Variants in ABL1 observed in about 807,000 individuals in gnomAD.
ABL1 encodes ABL proto-oncogene 1, non-receptor tyrosine kinase.
A neutral mutation model predicts 94.7 loss-of-function variants in ABL1; 11 were observed. That is an observed-to-expected ratio of 0.12 (90% confidence interval 0.07 to 0.19). The LOEUF (loss-of-function observed/expected upper bound fraction) is 0.19. Among genes scored for constraint, ABL1 ranks in the 10% least tolerant of loss-of-function variants. The probability of loss-of-function intolerance (pLI) is 1.00; values close to 1 mark genes in which losing one functional copy is unlikely to be tolerated. For missense variants in ABL1, 1,082 were observed against 1,489.4 expected, an observed-to-expected ratio of 0.73 and a Z score of 4.50; for synonymous variants, 656 against 622.4, an observed-to-expected ratio of 1.05 and a Z score of -0.80.
intron 1 of ABL1, among the ~76,000 whole-genome samples, chr9:130,787,382 C>T (rs1355216586): frequency 2.0e-5 from 3 of 152,000 alleles, no homozygotes; most frequent in East Asian, 1.9e-4. Context: ...TGTGAGCTCC[C>T]GTGTGAGAGA....
At chr9:130,760,818 A>G (rs1346697549) in intron 1 of ABL1, among the ~76,000 whole-genome samples, 1 of 151,032 alleles carries the variant, frequency 6.6e-6, no homozygotes, top group Non-Finnish European at 1.5e-5. Context: ...ACGGGCCACA[A>G]CACCCAGCTA....
At chr9:130,717,260 C>G (rs1161093609) in intron 1 of ABL1, among the ~76,000 whole-genome samples, 2 of 152,146 alleles carry the variant, frequency 1.3e-5, no homozygotes, top group Non-Finnish European at 2.9e-5. Context: ...CCAGGCTGGT[C>G]TTGAACTCCT....
chr9:130,872,398 T>C lies in ABL1; in HGVS notation c.907+185T>C, dbSNP rs1831267198. Among the ~76,000 whole-genome samples, 1 of 152,270 alleles carries C rather than the reference T, an allele frequency of 6.6e-6. No individual in the cohort carries two copies. Among genetic ancestry groups the C allele is most frequent in the African/African-American group, 2.4e-5 (1 of 41,482 alleles). On this transcript the variant is annotated intron_variant, in intron 5 of 10. Transcript: ENST00000318560. The surrounding 1 kb of genome is among the most constrained non-coding windows in gnomAD (Gnocchi z 5.0). ...ATGGGTGTGTGCGTGTGTGCACATA[T>C]GCACATGTATGTATGAGAGGGAGAA...
In ABL1 at chr9:130,765,296, G is replaced by T. The variant is rs576197119; in HGVS notation, c.136+50841G>T. On this transcript the variant is annotated intron_variant, in intron 1 of 10. Coordinates refer to the ABL1 transcript ENST00000372348. ...GAGGCTTTGGTTTGGTTATGACAGT[G>T]CTACAGCCAGCAACCCGGGGGCCAC... 1.9e-3 allele frequency among the ~76,000 whole-genome samples: 285 copies of T among 152,238 alleles called. 2 individuals are homozygous for T. Among genetic ancestry groups the T allele is most frequent in the African/African-American group, 6.5e-3 (269 of 41,550 alleles).
intron 1 of ABL1, among the ~76,000 whole-genome samples, chr9:130,841,292 C>T (rs564515422): frequency 3.4e-4 from 52 of 151,882 alleles, no homozygotes; most frequent in African/African-American, 1.2e-3. Flanking sequence ...GTACTACAGG[C>T]GCCCGGGGGT....
Position 130,862,924 on chromosome 9 carries a change from G to A in ABL1, c.711G>A (p.Met237Ile). 1 of 1,614,194 alleles carries A rather than the reference G, an allele frequency of 6.2e-7. No individual in the cohort carries two copies. Among genetic ancestry groups the A allele is most frequent in the Non-Finnish European group, 8.5e-7 (1 of 1,180,036 alleles). The stretch of plus-strand genomic sequence containing the variant: ...CCCCCAACTACGACAAGTGGGAGAT[G>A]GAACGCACGGACATCACCATGAAGC... ...GVSPNYDKWE[M>I]ERTDITMKHK... The change falls in exon 4 of 11, where the codon ATG becomes ATA. Residue 237 changes from methionine (M) to isoleucine (I), a missense_variant. Physicochemically the swap from Met to Ile is conservative, Grantham distance 10. Transcript: ENST00000318560. This position sits in a 1 kb window ranked among gnomAD's most constrained non-coding sequence, Gnocchi z 5.5.
chr9:130,848,517 C>CAAAAAA (rs34492912), intron 1 of ABL1, among the ~76,000 whole-genome samples: 1 of 86,506 alleles, frequency 1.2e-5, no homozygotes, highest in Non-Finnish European at 2.6e-5. Flanking sequence ...GACTCCAACT[C>CAAAAAA]AAAAAAAAAA....
At chr9:130,854,043 G>C (rs780688396) in intron 1 of ABL1, 21 bp from the exon 2 acceptor site, 2 of 1,557,148 alleles carry the variant, frequency 1.3e-6, no homozygotes, top group Non-Finnish European at 1.7e-6. Context: ...TCTTTTTTCT[G>C]TTCCCCCCTT....
intron 1 of ABL1, among the ~76,000 whole-genome samples, chr9:130,755,381 C>T (rs7847796): frequency 0.3 from 45,414 of 151,844 alleles, 9,360 homozygotes; most frequent in African/African-American, 0.56. Context: ...GGGTGGTTCC[C>T]TGTAGTTCCT....
intron 1 of ABL1, among the ~76,000 whole-genome samples, chr9:130,740,294 C>T (rs1169143438): frequency 6.6e-6 from 1 of 152,234 alleles, no homozygotes; most frequent in Non-Finnish European, 1.5e-5. Flanking sequence ...CTGATGGACC[C>T]TCAAGTGGGT....
chr9:130,770,159 G>T (rs1016401470), intron 1 of ABL1, among the ~76,000 whole-genome samples: 4 of 47,966 alleles, frequency 8.3e-5, no homozygotes, highest in Non-Finnish European at 1.9e-4. Context: ...TCTACCAGTT[G>T]TCTCTCTCTC....
chr9:130,834,577 T>C (rs1408607408), upstream of ABL1, among the ~76,000 whole-genome samples: 1 of 152,190 alleles, frequency 6.6e-6, no homozygotes, highest in African/African-American at 2.4e-5. Context: ...AAAAGTTCTC[T>C]GTTAAAGAAA....
rs947746898 is a variant in ABL1 at position 130,843,651 on chromosome 9, C to T, written c.79+8126C>T. Among the ~76,000 whole-genome samples the T allele has an allele frequency of 2.6e-5, 4 of 151,648 alleles. 1 individual carries two copies. The highest frequency in any genetic ancestry group is 2.0e-4 in the Admixed American group (3 of 15,218). On this transcript the variant is annotated intron_variant, in intron 1 of 10. Transcript: ENST00000318560. ...TAAAGGAGAAGCATCCTGTTGTGGG[C>T]GAGGTGATGGGGAGGAGGAAGGACC...
In ABL1 at chr9:130,731,159, A is replaced by G. The variant is rs1831661035; in HGVS notation, c.136+16704A>G. On this transcript the variant is annotated intron_variant, in intron 1 of 10. Coordinates refer to the ABL1 transcript ENST00000372348. ...GTAGCTGGGATTACAGGCGCCCACCACCATGCCCAGCTAGTTTTTGTGTTT... is the reference window on the plus strand; with the variant it reads ...GTAGCTGGGATTACAGGCGCCCACCGCCATGCCCAGCTAGTTTTTGTGTTT... Among the ~76,000 whole-genome samples, 4 of 150,374 alleles carry G rather than the reference A, an allele frequency of 2.7e-5. No individual in the cohort carries two copies. In the South Asian group the frequency reaches 6.4e-4, roughly 24 times the overall value.
intron 1 of ABL1, among the ~76,000 whole-genome samples, chr9:130,743,740 G>T (rs1295322664): frequency 1.3e-5 from 2 of 152,156 alleles, no homozygotes; most frequent in African/African-American, 4.8e-5. Context: ...TAATTGATGG[G>T]TTTAAAGGGA....
chr9:130,798,141 A>G (rs1830004829), intron 1 of ABL1, among the ~76,000 whole-genome samples: 1 of 152,256 alleles, frequency 6.6e-6, no homozygotes, highest in South Asian at 2.1e-4. Flanking sequence ...AAAATAAGAA[A>G]AATCTTTTTA....
rs771844963 is a variant in ABL1, at chr9:130,863,078, G to A, written c.822+43G>A. The A allele has an allele frequency of 3.3e-6, 5 of 1,535,788 alleles. No homozygotes were observed. ...GGGGTGCCCAGGGTACGTGGGGCAAGGCGTCTGCTGGCATTAGGCGATGCA... is the reference window on the plus strand; with the variant it reads ...GGGGTGCCCAGGGTACGTGGGGCAAAGCGTCTGCTGGCATTAGGCGATGCA... On this transcript the variant is annotated intron_variant, in intron 4 of 10. Transcript: ENST00000318560. The surrounding 1 kb of genome is among the most constrained non-coding windows in gnomAD (Gnocchi z 4.3).
chr9:130,811,574 ATAAGT>A (rs1470799737), intron 1 of ABL1, among the ~76,000 whole-genome samples: 1 of 152,142 alleles, frequency 6.6e-6, no homozygotes, highest in African/African-American at 2.4e-5. Flanking sequence ...GTAGACTGTG[ATAAGT>A]TAAAGATGCA....
At chr9:130,865,326 C>T (rs986649537) in intron 4 of ABL1, among the ~76,000 whole-genome samples, 6 of 152,174 alleles carry the variant, frequency 3.9e-5, no homozygotes, top group East Asian at 3.8e-4. Flanking sequence ...ACTGAAAATA[C>T]GGTACTAAGC....
Sources: gnomAD v4.1 joint callset for allele counts (sites outside exome capture counted in the v4.1 genomes callset) on GRCh38, gnomAD v4.1.1 for gene constraint, Gnocchi (gnomAD v3.1) non-coding constraint, MANE v1.5 for transcripts, NCBI Gene and HGNC (gene_info 2026-07-23, HGNC 2026-07-21) for gene names.